RPSA2: variants seen among roughly 807,000 people sequenced by gnomAD.
RPSA2 encodes small ribosomal subunit protein uS2B.
At chr19:23,780,673 G>GAAAAAACAAA in the RPSA2 span, among the ~76,000 whole-genome samples, 11 of 73,616 alleles carry the variant, frequency 1.5e-4, 1 homozygote, top group African/African-American at 4.8e-4. Context: ...AAACAAAACT[G>GAAAAAACAAA]ACTATCATTT....
At chr19:23,797,896 T>C in the RPSA2 span, among the ~76,000 whole-genome samples, 1 of 152,170 alleles carries the variant, frequency 6.6e-6, no homozygotes, top group Non-Finnish European at 1.5e-5. Context: ...TAAAAGAAAA[T>C]ATAAATTAGA....
At chr19:23,856,177 C>A in the RPSA2 span, among the ~76,000 whole-genome samples, 1 of 152,048 alleles carries the variant, frequency 6.6e-6, no homozygotes, top group South Asian at 2.1e-4. Flanking sequence ...ATTGTGGTAA[C>A]TGCAGGGGGT....
At chr19:23,859,383 G>A in the RPSA2 span, among the ~76,000 whole-genome samples, 1 of 152,106 alleles carries the variant, frequency 6.6e-6, no homozygotes, top group Non-Finnish European at 1.5e-5. Context: ...AATCCCAGCA[G>A]TTTGGGAGGC....
At chr19:23,832,744 T>C in the RPSA2 span, 1 of 1,556,812 alleles carries the variant, frequency 6.4e-7, no homozygotes, top group Middle Eastern at 1.7e-4. Context: ...TGAAAAAGCT[T>C]TTAGCCAGTC....
At chr19:23,824,866 C>CT in the RPSA2 span, among the ~76,000 whole-genome samples, 7 of 150,980 alleles carry the variant, frequency 4.6e-5, no homozygotes, top group Non-Finnish European at 8.9e-5. Context: ...AGTTTTCACC[C>CT]TTTTTTATCT....
chr19:23,856,933 A>G, the RPSA2 span, among the ~76,000 whole-genome samples: 1 of 152,218 alleles, frequency 6.6e-6, no homozygotes, highest in African/African-American at 2.4e-5. Flanking sequence ...CTTGTTAAAC[A>G]TCTTAACAGA....
the RPSA2 span, among the ~76,000 whole-genome samples, chr19:23,806,237 G>A: frequency 6.6e-6 from 1 of 151,436 alleles, no homozygotes; most frequent in Non-Finnish European, 1.5e-5. Context: ...TAGAGACGGG[G>A]TTTTACCATG....
the RPSA2 span, among the ~76,000 whole-genome samples, chr19:23,802,401 T>A: frequency 6.6e-6 from 1 of 152,198 alleles, no homozygotes; most frequent in Non-Finnish European, 1.5e-5. Context: ...ATTTTCTTTT[T>A]AGAATCAGCC....
At chr19:23,852,925 A>C in the RPSA2 span, among the ~76,000 whole-genome samples, 1 of 152,196 alleles carries the variant, frequency 6.6e-6, no homozygotes, top group Non-Finnish European at 1.5e-5. Context: ...TTTTATCCTG[A>C]GCAATGTGTA....
At chr19:23,854,128 T>C in the RPSA2 span, among the ~76,000 whole-genome samples, 148,881 of 152,238 alleles carry the variant, frequency 0.98, 72,892 homozygotes, top group Middle Eastern at 1. Context: ...ACTCACTGAC[T>C]GGAATGGAAA....
chr19:23,862,973 G>T, the RPSA2 span, among the ~76,000 whole-genome samples: 589 of 149,514 alleles, frequency 3.9e-3, 4 homozygotes, highest in African/African-American at 0.013. Flanking sequence ...GCACAAACTT[G>T]GTTCACTGCA....
chr19:23,804,209 A>C, the RPSA2 span, among the ~76,000 whole-genome samples: 1 of 152,214 alleles, frequency 6.6e-6, no homozygotes, highest in Non-Finnish European at 1.5e-5. Context: ...TAAGATAAAG[A>C]ATGGTTGTCT....
chr19:23,764,600 C>A, the RPSA2 span, among the ~76,000 whole-genome samples: 1 of 152,120 alleles, frequency 6.6e-6, no homozygotes, highest in Non-Finnish European at 1.5e-5. Flanking sequence ...CTGCCTCAGC[C>A]TCCCAAGTAG....
the RPSA2 span, among the ~76,000 whole-genome samples, chr19:23,839,940 A>AGTG: frequency 6.6e-6 from 1 of 152,234 alleles, no homozygotes; most frequent in South Asian, 2.1e-4. Context: ...CCACTTCTGC[A>AGTG]GTGGTGGCAC....
At chr19:23,865,485 G>A in the RPSA2 span, among the ~76,000 whole-genome samples, 148,913 of 152,234 alleles carry the variant, frequency 0.98, 72,924 homozygotes, top group Middle Eastern at 1. Flanking sequence ...GGTTTGGTTC[G>A]CATGGTCCTA....
At chr19:23,822,366 G>A in the RPSA2 span, among the ~76,000 whole-genome samples, 1 of 152,154 alleles carries the variant, frequency 6.6e-6, no homozygotes, top group Non-Finnish European at 1.5e-5. Flanking sequence ...AGCTGCCTGG[G>A]CTATCCTTTG....
chr19:23,833,678 C>T, the RPSA2 span, among the ~76,000 whole-genome samples: 43 of 152,170 alleles, frequency 2.8e-4, no homozygotes, highest in East Asian at 7.5e-3. Flanking sequence ...AATACCTGCT[C>T]ACATCTTACT....
the RPSA2 span, among the ~76,000 whole-genome samples, chr19:23,851,399 A>G: frequency 2.0e-5 from 3 of 152,118 alleles, no homozygotes; most frequent in African/African-American, 7.2e-5. Context: ...AAGAGACCAA[A>G]AGTCTACCTT....
At chr19:23,850,436 G>C in the RPSA2 span, among the ~76,000 whole-genome samples, 1 of 61,364 alleles carries the variant, frequency 1.6e-5, no homozygotes, top group Admixed American at 1.9e-4. Context: ...GGATTAGTTA[G>C]AGGGGTCTCC....
Sources: gnomAD v4.1 joint callset for allele counts (sites outside exome capture counted in the v4.1 genomes callset) on GRCh38, gnomAD v4.1.1 for gene constraint, MANE v1.5 for transcripts, NCBI Gene and HGNC (gene_info 2026-07-23, HGNC 2026-07-21) for gene names.